Variants in FBXL7 observed in about 807,000 individuals in gnomAD.
FBXL7 encodes the protein F-box and leucine rich repeat protein 7, also known as F-box/LRR-repeat protein 7.
FBXL7 carries 12 observed loss-of-function variants against 38.3 expected under a neutral mutation model. The observed-to-expected ratio is 0.31, with a 90% CI of 0.20 to 0.51. The LOEUF (loss-of-function observed/expected upper bound fraction) is 0.51, where lower values mean the gene tolerates loss of function less well. Among genes scored for constraint, FBXL7 ranks in the 20% least tolerant of loss-of-function variants. The pLI, the probability that FBXL7 is intolerant of heterozygous loss-of-function variation, is 0.98. For synonymous variants in FBXL7, 297 were observed against 300.9 expected, an observed-to-expected ratio of 0.99 and a Z score of 0.13; for missense variants, 567 against 676.4, an observed-to-expected ratio of 0.84 and a Z score of 1.79.
chr5:15,811,263 C>T (rs562057507), intron 2 of FBXL7, among the ~76,000 whole-genome samples: 82 of 152,276 alleles, frequency 5.4e-4, no homozygotes, highest in African/African-American at 2.0e-3. Flanking sequence ...CAAAGCACCA[C>T]AGATGGTGTG....
chr5:15,856,947 C>A (rs551171810), intron 2 of FBXL7, among the ~76,000 whole-genome samples: 1 of 152,272 alleles, frequency 6.6e-6, no homozygotes, highest in African/African-American at 2.4e-5. Context: ...ATATATTTAT[C>A]TTTATGTATG....
Position 15,939,054 on chromosome 5 carries a change from C to CAT in FBXL7, c.*1870_*1871dup, listed in dbSNP as rs1386336312. 20 of 398,948 alleles carry CAT rather than the reference C, an allele frequency of 5.0e-5. No homozygotes were observed. Among genetic ancestry groups the CAT allele is most frequent in the Middle Eastern group, 1.2e-3 (2 of 1,610 alleles). The allele number at this position is 398,948 out of a possible 1,614,324, so 24.7% of individuals were successfully genotyped here. ...TGCACTCCTACTGTAGGCTCCTGTG[C>CAT]ATACTGTCGTCTTCTGTGGGGGATG... On this transcript the variant is annotated 3_prime_UTR_variant, in exon 4 of 4. Transcript: ENST00000504595.
intron 1 of FBXL7, among the ~76,000 whole-genome samples, chr5:15,590,545 T>C (rs936006778): frequency 6.6e-6 from 1 of 152,106 alleles, no homozygotes; most frequent in African/African-American, 2.4e-5. Context: ...TCTCTAGCCC[T>C]AGTAAATAAT....
chr5:15,541,443 G>GTGTGTGTGTA (rs1264820921), intron 1 of FBXL7, among the ~76,000 whole-genome samples: 26 of 38,436 alleles, frequency 6.8e-4, no homozygotes, highest in African/African-American at 2.3e-3. Flanking sequence ...GTGTGTGTGT[G>GTGTGTGTGTA]TATATATATA....
intron 2 of FBXL7, among the ~76,000 whole-genome samples, chr5:15,627,853 A>G (rs1740869674): frequency 6.6e-6 from 1 of 152,186 alleles, no homozygotes; most frequent in East Asian, 1.9e-4. Context: ...TGACTAGGAA[A>G]TAACTTCTCA....
At chr5:15,919,867 C>G (rs535009720) in intron 2 of FBXL7, among the ~76,000 whole-genome samples, 1 of 152,264 alleles carries the variant, frequency 6.6e-6, no homozygotes, top group South Asian at 2.1e-4. Flanking sequence ...CCATTTTTCT[C>G]TCACCCTGAA....
chr5:15,836,777 G>C (rs527486643), intron 2 of FBXL7, among the ~76,000 whole-genome samples: 2 of 152,188 alleles, frequency 1.3e-5, no homozygotes, highest in Non-Finnish European at 2.9e-5. Context: ...TGACTGGCCT[G>C]TGTCAGGTTT....
chr5:15,676,227 T>C (rs762224088), intron 2 of FBXL7, among the ~76,000 whole-genome samples: 1 of 152,212 alleles, frequency 6.6e-6, no homozygotes, highest in Non-Finnish European at 1.5e-5. Context: ...TTTTCAGCTC[T>C]AAAATTCTAT....
chr5:15,895,160 A>G (rs921069200), intron 2 of FBXL7, among the ~76,000 whole-genome samples: 4 of 152,244 alleles, frequency 2.6e-5, no homozygotes, highest in African/African-American at 9.6e-5. Context: ...TGTTAAAAGT[A>G]GTGGCAAAAA....
At chr5:15,669,801 G>A (rs1742407331) in intron 2 of FBXL7, among the ~76,000 whole-genome samples, 1 of 152,118 alleles carries the variant, frequency 6.6e-6, no homozygotes. Context: ...CTCTTTACAG[G>A]AACTTGAATG....
At chr5:15,635,842 G>A (rs1014636637) in intron 2 of FBXL7, among the ~76,000 whole-genome samples, 12 of 152,170 alleles carry the variant, frequency 7.9e-5, no homozygotes, top group African/African-American at 1.7e-4. Flanking sequence ...TGCCACCTCC[G>A]TAGGAGCTGT....
chr5:15,926,114 A>G (rs1228712543), intron 2 of FBXL7, among the ~76,000 whole-genome samples: 1 of 152,138 alleles, frequency 6.6e-6, no homozygotes, highest in Non-Finnish European at 1.5e-5. Flanking sequence ...TAAATTTATG[A>G]TGGGCTTATG....
chr5:15,922,155 A>G (rs1741760331), intron 2 of FBXL7, among the ~76,000 whole-genome samples: 1 of 150,964 alleles, frequency 6.6e-6, no homozygotes, highest in Non-Finnish European at 1.5e-5. Context: ...ATATATACAT[A>G]TATCATATAT....
chr5:15,855,849 T>A (rs1465195265), intron 2 of FBXL7, among the ~76,000 whole-genome samples: 1 of 151,834 alleles, frequency 6.6e-6, no homozygotes, highest in African/African-American at 2.4e-5. Flanking sequence ...GAACAGAGAG[T>A]TTAAATAGTT....
chr5:15,617,581 G>T (rs1740498471), intron 2 of FBXL7, among the ~76,000 whole-genome samples: 1 of 152,054 alleles, frequency 6.6e-6, no homozygotes, highest in African/African-American at 2.4e-5. Flanking sequence ...CCTGCCTACA[G>T]GCACCTGCCA....
At chr5:15,669,996 C>G (rs1303300567) in intron 2 of FBXL7, among the ~76,000 whole-genome samples, 1 of 152,100 alleles carries the variant, frequency 6.6e-6, no homozygotes, top group African/African-American at 2.4e-5. Flanking sequence ...GTCTCATTCT[C>G]TTTTTCTCTG....
intron 2 of FBXL7, among the ~76,000 whole-genome samples, chr5:15,704,387 A>G (rs1743618907): frequency 6.6e-6 from 1 of 152,160 alleles, no homozygotes; most frequent in Non-Finnish European, 1.5e-5. Context: ...AGTTACTAAA[A>G]CTGTAGACTG....
chr5:15,676,512 C>T (rs1056303512), intron 2 of FBXL7, among the ~76,000 whole-genome samples: 1 of 152,178 alleles, frequency 6.6e-6, no homozygotes, highest in Admixed American at 6.5e-5. Flanking sequence ...CTTACTCAAG[C>T]TTTTCAAAAC....
chr5:15,600,956 C>A (rs1412561887), intron 1 of FBXL7, among the ~76,000 whole-genome samples: 1 of 152,244 alleles, frequency 6.6e-6, no homozygotes, highest in African/African-American at 2.4e-5. Flanking sequence ...CTTTTCACTA[C>A]ATTCTCTGTT....
Sources: gnomAD v4.1 joint callset for allele counts (sites outside exome capture counted in the v4.1 genomes callset) on GRCh38, gnomAD v4.1.1 for gene constraint, MANE v1.5 for transcripts, NCBI Gene and HGNC (gene_info 2026-07-23, HGNC 2026-07-21) for gene names.